The following ZMYND8 variants were observed in gnomAD, a reference collection of about 807,000 sequenced individuals.
ZMYND8 encodes the protein MYND-type zinc finger-containing chromatin reader ZMYND8.
Under a neutral mutation model 140.8 loss-of-function variants are expected in ZMYND8, and 37 were observed. The observed-to-expected ratio is 0.26, with a 90% CI of 0.20 to 0.35. The LOEUF is 0.35. Among genes scored for constraint, ZMYND8 ranks in the 10% least tolerant of loss-of-function variants. ZMYND8 has a pLI of 1.00. For synonymous variants in ZMYND8, 592 were observed against 597.1 expected (o/e 0.99, Z 0.12); for missense variants, 1,068 against 1,570.0 (o/e 0.68, Z 5.40).
Position 47,298,515 on chromosome 20 carries a change from A to G in ZMYND8, c.453+214T>C, listed in dbSNP as rs2077792936. On this transcript the variant is annotated intron_variant, in intron 4 of 22. Transcript: ENST00000471951. The surrounding 1 kb of genome is among the most constrained non-coding windows in gnomAD (Gnocchi z 5.0). ...AATCCAAGGACTCATGAGAAATCAG[A>G]AATAATATTCCGTGCAATTGTCTTT... The G allele has an allele frequency of 1.0e-6, 1 of 985,462 alleles. No homozygotes were observed. Among genetic ancestry groups the G allele is most frequent in the Non-Finnish European group, 1.2e-6 (1 of 829,942 alleles). 61.0% of individuals were successfully genotyped at this position (985,462 alleles called of 1,614,324 possible).
chr20:47,318,898 AC>A, intron 2 of ZMYND8: 1 of 1,282,090 alleles, frequency 7.8e-7, no homozygotes, highest in African/African-American at 1.5e-5. Flanking sequence ...AACATCAAGT[AC>A]CTCGGAGGCA....
At chr20:47,274,773 C>A (rs138435183) in intron 11 of ZMYND8, among the ~76,000 whole-genome samples, 1,601 of 152,314 alleles carry the variant, frequency 0.011, 16 homozygotes, top group Non-Finnish European at 0.019. Context: ...CTCTCTACCC[C>A]TCCTACCACC....
intron 14 of ZMYND8, among the ~76,000 whole-genome samples, chr20:47,241,404 C>T (rs1056743196): frequency 7.9e-5 from 12 of 151,142 alleles, no homozygotes; most frequent in African/African-American, 1.5e-4. Flanking sequence ...GTTTGAAAAA[C>T]GCTGCCATAT....
At chr20:47,256,010 T>C (rs947003437) in intron 12 of ZMYND8, among the ~76,000 whole-genome samples, 71 of 141,536 alleles carry the variant, frequency 5.0e-4, no homozygotes, top group Non-Finnish European at 9.5e-4. Context: ...GAGGTGGAGG[T>C]TGCAGAGAGC....
At chr20:47,313,789 TG>T (rs1486669959) in intron 2 of ZMYND8, among the ~76,000 whole-genome samples, 1 of 148,628 alleles carries the variant, frequency 6.7e-6, no homozygotes, top group Non-Finnish European at 1.5e-5. Context: ...AAAAACTAGC[TG>T]GGTGTGGTGG....
At chr20:47,327,851 G>A (rs776598371) in intron 2 of ZMYND8, among the ~76,000 whole-genome samples, 5 of 152,084 alleles carry the variant, frequency 3.3e-5, no homozygotes, top group Admixed American at 6.6e-5. Context: ...GTCTTGCTCC[G>A]TCGCCCAGCC....
chr20:47,317,763 A>G (rs954187712), intron 2 of ZMYND8, among the ~76,000 whole-genome samples: 3 of 152,172 alleles, frequency 2.0e-5, no homozygotes, highest in Non-Finnish European at 2.9e-5. Flanking sequence ...AGGATGCCAC[A>G]GTGGTGGGGA....
intron 2 of ZMYND8, chr20:47,319,345 TCTG>T: frequency 3.8e-6 from 1 of 263,926 alleles, no homozygotes; most frequent in South Asian, 3.9e-5. Context: ...CTGCAGTTGT[TCTG>T]CTGGCCGAGG....
intron 2 of ZMYND8, chr20:47,318,360 A>G (rs1183975880): frequency 2.1e-5 from 6 of 287,914 alleles, no homozygotes; most frequent in Non-Finnish European, 3.4e-5. Flanking sequence ...AAAGCAGAGC[A>G]TGGTTAATCA....
At chr20:47,303,651 A>C (rs2148126186) in intron 3 of ZMYND8, among the ~76,000 whole-genome samples, 1 of 152,134 alleles carries the variant, frequency 6.6e-6, no homozygotes, top group African/African-American at 2.4e-5. Flanking sequence ...AGCCAAGATC[A>C]CACCACTGCA....
intron 2 of ZMYND8, 80 bp from the exon 3 acceptor site, chr20:47,310,284 A>C (rs1279110518): frequency 3.2e-5 from 48 of 1,507,326 alleles, no homozygotes; most frequent in Non-Finnish European, 4.0e-5. Context: ...GGAGGAACCA[A>C]GTGTGGGAAC....
chr20:47,295,455 A>G (rs1269587062), intron 4 of ZMYND8, among the ~76,000 whole-genome samples: 2 of 152,228 alleles, frequency 1.3e-5, no homozygotes, highest in African/African-American at 4.8e-5. Context: ...TGATTACTTC[A>G]CAGGATGGGT....
At chr20:47,270,848 C>T (rs192187561) in intron 11 of ZMYND8, among the ~76,000 whole-genome samples, 13 of 151,804 alleles carry the variant, frequency 8.6e-5, no homozygotes, top group African/African-American at 2.7e-4. Context: ...GAGGCAGAGG[C>T]GGGCAGATCA....
intron 16 of ZMYND8, among the ~76,000 whole-genome samples, chr20:47,232,175 C>G (rs1265681938): frequency 2.0e-5 from 3 of 152,118 alleles, no homozygotes; most frequent in Admixed American, 1.3e-4. Context: ...AGTTCGAGAC[C>G]AGCCTGGCCA....
At chr20:47,266,119 A>G (rs2075502226) in intron 11 of ZMYND8, among the ~76,000 whole-genome samples, 1 of 152,186 alleles carries the variant, frequency 6.6e-6, no homozygotes, top group African/African-American at 2.4e-5. Context: ...TCCCTGAGAA[A>G]CAGGTCTCCT....
At chr20:47,337,366 A>T (rs1569229131) in intron 2 of ZMYND8, among the ~76,000 whole-genome samples, 1 of 151,522 alleles carries the variant, frequency 6.6e-6, no homozygotes, top group Non-Finnish European at 1.5e-5. Context: ...TAAATAAAAT[A>T]AAATAAAATA....
intron 9 of ZMYND8, among the ~76,000 whole-genome samples, chr20:47,282,978 A>G (rs923955435): frequency 3.9e-5 from 6 of 152,154 alleles, no homozygotes; most frequent in African/African-American, 1.4e-4. Context: ...AAGCACGAAG[A>G]GATGCAAAGT....
At position 47,238,835 on chromosome 20, in the gene ZMYND8, T is replaced by G; in HGVS notation, c.2588A>C (p.Gln863Pro). ...HMQKMQRQQQ[Q>P]QQQQNQQQQP... ...CTGCTGCTGGTTTTGCTGCTGCTGC[T>G]GCTGCTGCTGACGCTGCATCTTCTG... is the stretch of plus-strand genomic sequence containing the variant. Residue 863 changes from glutamine (Q) to proline (P), a missense_variant, in exon 15 of 23, where the codon CAG (glutamine) becomes CCG (proline). By Grantham distance (76) the Gln-to-Pro change is moderately conservative (BLOSUM62 -1). Transcript: ENST00000471951. 1 of 1,613,288 alleles carries G rather than the reference T, an allele frequency of 6.2e-7. No homozygotes were observed. Among genetic ancestry groups the G allele is most frequent in the Non-Finnish European group, 8.5e-7 (1 of 1,180,034 alleles).
intron 2 of ZMYND8, among the ~76,000 whole-genome samples, chr20:47,329,000 G>A (rs1032797780): frequency 3.3e-4 from 50 of 152,272 alleles, no homozygotes; most frequent in Admixed American, 4.6e-4. Flanking sequence ...GTGCCAAGGG[G>A]CCTGGCAAAA....
Sources: gnomAD v4.1 joint callset for allele counts (sites outside exome capture counted in the v4.1 genomes callset) on GRCh38, gnomAD v4.1.1 for gene constraint, Gnocchi (gnomAD v3.1) non-coding constraint, MANE v1.5 for transcripts, NCBI Gene and HGNC (gene_info 2026-07-23, HGNC 2026-07-21) for gene names.